RYR1: variants seen among roughly 807,000 people sequenced by gnomAD.
RYR1 encodes ryanodine receptor 1.
RYR1 carries 342 observed loss-of-function variants against 583.5 expected under a neutral mutation model. That is an observed-to-expected ratio of 0.59 (90% confidence interval 0.54 to 0.64). The LOEUF (loss-of-function observed/expected upper bound fraction) is 0.64, where lower values mean the gene tolerates loss of function less well. RYR1 is among the 30% of genes least tolerant of loss of function. The pLI is 0.00. For missense variants in RYR1, 6,032 were observed against 6,917.2 expected, an observed-to-expected ratio of 0.87 and a Z score of 4.54; for synonymous variants, 2,791 against 2,822.5, an observed-to-expected ratio of 0.99 and a Z score of 0.35.
intron 27 of RYR1, among the ~76,000 whole-genome samples, chr19:38,471,699 G>A (rs1475618712): frequency 1.3e-5 from 2 of 151,074 alleles, no homozygotes; most frequent in Non-Finnish European, 3.0e-5. Context: ...TCAGGAGTTC[G>A]AGACCAGCCT....
intron 16 of RYR1, among the ~76,000 whole-genome samples, chr19:38,456,855 G>A (rs977347739): frequency 3.6e-4 from 55 of 151,000 alleles, no homozygotes; most frequent in Non-Finnish European, 6.5e-4. Context: ...GACCATCCTG[G>A]CTAATGCGGT....
At position 38,496,705 on chromosome 19, in the gene RYR1, T is replaced by C. The variant is rs1218764379; in HGVS notation, c.6797-155T>C. The stretch of plus-strand genomic sequence containing the variant: ...GCTGGGGACACAATAGTGACCCCAA[T>C]AGTGACAGCCCAGAGTGGTCAGAGC... On this transcript the variant is annotated intron_variant, in intron 41 of 105. Coordinates refer to ENST00000359596, the MANE Select transcript of RYR1 (RefSeq NM_000540.3). This position sits in a 1 kb window ranked among gnomAD's most constrained non-coding sequence, Gnocchi z 4.8. 1.3e-5 allele frequency among the ~76,000 whole-genome samples: 2 copies of C among 152,114 alleles called. No homozygotes were observed. Among genetic ancestry groups the C allele is most frequent in the African/African-American group, 4.8e-5 (2 of 41,420 alleles).
chr19:38,470,009 G>T (rs192705846), intron 27 of RYR1, among the ~76,000 whole-genome samples: 1 of 152,176 alleles, frequency 6.6e-6, no homozygotes, highest in African/African-American at 2.4e-5. Context: ...GGTCAAGACT[G>T]CAGTGAATTA....
intron 18 of RYR1, among the ~76,000 whole-genome samples, chr19:38,458,742 A>G (rs950952640): frequency 6.6e-6 from 1 of 152,106 alleles, no homozygotes; most frequent in Non-Finnish European, 1.5e-5. Flanking sequence ...CTCCTGCCTC[A>G]GCCTCCTGAG....
intron 30 of RYR1, 81 bp from the exon 31 acceptor site, chr19:38,478,354 T>G: frequency 2.6e-6 from 4 of 1,515,866 alleles, no homozygotes; most frequent in Admixed American, 1.7e-5. Context: ...GTTGTGTGTT[T>G]CCGGGAGCTT....
chr19:38,581,401 G>A (rs187466159), intron 101 of RYR1, among the ~76,000 whole-genome samples: 3 of 152,062 alleles, frequency 2.0e-5, no homozygotes, highest in East Asian at 3.9e-4. Context: ...TAGTAGAGAC[G>A]GAGTTTCACC....
chr19:38,434,152 G>T (rs2145290279), intron 1 of RYR1, among the ~76,000 whole-genome samples: 1 of 152,246 alleles, frequency 6.6e-6, no homozygotes, highest in Admixed American at 6.5e-5. Context: ...GGACCCCCGA[G>T]GGAGCACACC....
At chr19:38,562,291 C>A (rs559054438) in intron 90 of RYR1, among the ~76,000 whole-genome samples, 1 of 152,242 alleles carries the variant, frequency 6.6e-6, no homozygotes, top group South Asian at 2.1e-4. Flanking sequence ...ATCCCTCACA[C>A]ACTCGCTTGC....
chr19:38,562,364 T>A (rs1973185661), intron 90 of RYR1, among the ~76,000 whole-genome samples: 1 of 151,838 alleles, frequency 6.6e-6, no homozygotes, highest in Non-Finnish European at 1.5e-5. Context: ...CTGGCTGACA[T>A]ATGGTTCCCC....
At chr19:38,508,345 G>A (rs1010736906) in intron 58 of RYR1, among the ~76,000 whole-genome samples, 5 of 152,074 alleles carry the variant, frequency 3.3e-5, no homozygotes, top group Non-Finnish European at 7.4e-5. Context: ...GAGTAGCTGG[G>A]ACCACAGGCA....
chr19:38,516,226 T>C lies in RYR1; in HGVS notation c.9685+9T>C. ...TCCGCGGGAGCGGGCCAGTAAGCTG[T>C]GTGGGGCGGGAGCAGTGCTGGGAGT... On this transcript the variant is annotated intron_variant, in intron 65 of 105. Coordinates refer to ENST00000359596, the MANE Select transcript of RYR1 (RefSeq NM_000540.3). The C allele has an allele frequency of 1.9e-6, 3 of 1,584,990 alleles. No homozygotes were observed. Among genetic ancestry groups the C allele is most frequent in the Non-Finnish European group, 2.6e-6 (3 of 1,165,484 alleles).
At chr19:38,522,716 G>A (rs904157061) in intron 67 of RYR1, among the ~76,000 whole-genome samples, 5 of 152,008 alleles carry the variant, frequency 3.3e-5, no homozygotes, top group South Asian at 4.1e-4. Context: ...TTGGGAGGCC[G>A]AGGTGGGTGG....
intron 87 of RYR1, 128 bp from the exon 88 acceptor site, chr19:38,546,317 G>A (rs1485843976): frequency 1.3e-5 from 10 of 744,824 alleles, no homozygotes; most frequent in East Asian, 1.1e-4. Context: ...GTCTGGACTC[G>A]GGTCCCCTCG....
intron 20 of RYR1, among the ~76,000 whole-genome samples, chr19:38,461,223 G>T (rs938116474): frequency 2.0e-5 from 3 of 152,110 alleles, no homozygotes; most frequent in South Asian, 4.1e-4. Flanking sequence ...GCTTGAGCCC[G>T]AAAGTTCGAG....
chr19:38,531,044 G>A (rs1971717886), intron 76 of RYR1, among the ~76,000 whole-genome samples: 1 of 141,718 alleles, frequency 7.1e-6, no homozygotes, highest in South Asian at 2.2e-4. Context: ...ATGTTGTCCA[G>A]GCTGGTCTCA....
chr19:38,467,931 C>A, intron 25 of RYR1, 119 bp downstream of exon 25: 4 of 835,202 alleles, frequency 4.8e-6, no homozygotes, highest in South Asian at 4.7e-5. Flanking sequence ...TCTACTGTAC[C>A]ACTCATCCAC....
intron 52 of RYR1, 95 bp from the exon 53 acceptor site, chr19:38,505,214 C>G: frequency 8.7e-7 from 1 of 1,147,934 alleles, no homozygotes; most frequent in Non-Finnish European, 1.3e-6. Flanking sequence ...TGTTCTGGGA[C>G]CCCCCCAGGA....
At position 38,478,298 on chromosome 19, in the gene RYR1, G is replaced by A. The variant is rs531412813; in HGVS notation, c.4455-137G>A. 740 of 938,192 alleles carry A rather than the reference G, an allele frequency of 7.9e-4. 3 individuals carry two copies. The highest frequency in any genetic ancestry group is 6.8e-4 in the Non-Finnish European group (409 of 602,750). The allele number at this position is 938,192 out of a possible 1,614,324, so 58.1% of individuals were successfully genotyped here. The stretch of plus-strand genomic sequence containing the variant: ...TCAGTGTCCGGGGCGAGGGGTTTCA[G>A]CTCTCAGGTCTGCAGGCGGTGGGTG... On this transcript the variant is annotated intron_variant, in intron 30 of 105. Transcript: ENST00000359596.
intron 89 of RYR1, among the ~76,000 whole-genome samples, chr19:38,555,921 T>C (rs1325776062): frequency 3.3e-5 from 5 of 152,248 alleles, no homozygotes; most frequent in Non-Finnish European, 7.4e-5. Flanking sequence ...TGGAGTGCAG[T>C]GGGGCAATCT....
Sources: allele counts gnomAD v4.1 joint callset (sites outside exome capture counted in the v4.1 genomes callset), GRCh38; gene constraint gnomAD v4.1.1; non-coding constraint Gnocchi (gnomAD v3.1); transcripts MANE v1.5; gene names NCBI Gene and HGNC (gene_info 2026-07-23, HGNC 2026-07-21).